Variants in FOXP1 observed in about 807,000 individuals in gnomAD.
FOXP1 encodes the protein forkhead box protein P1.
Under a neutral mutation model 98.2 loss-of-function variants are expected in FOXP1, and 15 were observed. The observed-to-expected ratio is 0.15, with a 90% confidence interval of 0.10 to 0.24. The LOEUF (loss-of-function observed/expected upper bound fraction) is 0.24, where lower values mean the gene tolerates loss of function less well. Among genes scored for constraint, FOXP1 ranks in the 10% least tolerant of loss-of-function variants. FOXP1 has a pLI of 1.00. For missense variants in FOXP1, 633 were observed against 848.5 expected (o/e 0.75, Z 3.15); for synonymous variants, 371 against 314.5 (o/e 1.18, Z -1.90).
At chr3:71,383,820 C>T (rs928704587) in intron 3 of FOXP1, among the ~76,000 whole-genome samples, 2 of 151,974 alleles carry the variant, frequency 1.3e-5, no homozygotes, top group Admixed American at 6.6e-5. Context: ...GTAACAGAAA[C>T]CAGAAGAATG....
At chr3:71,580,273 T>C (rs2048059612) in intron 2 of FOXP1, among the ~76,000 whole-genome samples, 1 of 151,900 alleles carries the variant, frequency 6.6e-6, no homozygotes, top group African/African-American at 2.4e-5. Flanking sequence ...GGCAAGATGT[T>C]AAACCTTTTT....
intron 3 of FOXP1, among the ~76,000 whole-genome samples, chr3:71,437,565 G>A (rs974237994): frequency 2.0e-5 from 3 of 152,154 alleles, no homozygotes; most frequent in Non-Finnish European, 4.4e-5. Flanking sequence ...GGAGCAGAAT[G>A]AGGTCCCATC....
intron 2 of FOXP1, among the ~76,000 whole-genome samples, chr3:71,547,228 C>A (rs1264520995): frequency 6.6e-6 from 1 of 152,060 alleles, no homozygotes; most frequent in African/African-American, 2.4e-5. Flanking sequence ...CCCTTTCCTC[C>A]CCTTCATTTT....
chr3:71,531,206 C>T (rs1031112665), intron 2 of FOXP1, among the ~76,000 whole-genome samples: 2 of 152,182 alleles, frequency 1.3e-5, no homozygotes, highest in African/African-American at 2.4e-5. Flanking sequence ...TAGGAGATAT[C>T]GGTTCAAATC....
intron 2 of FOXP1, among the ~76,000 whole-genome samples, chr3:71,552,758 C>T (rs2063914219): frequency 1.3e-5 from 2 of 151,954 alleles, no homozygotes; most frequent in Admixed American, 6.6e-5. Flanking sequence ...TGCGTAGTTA[C>T]TTAAATGCCA....
intron 6 of FOXP1, among the ~76,000 whole-genome samples, chr3:71,133,632 A>G (rs757021662): frequency 6.6e-6 from 1 of 152,206 alleles, no homozygotes; most frequent in Non-Finnish European, 1.5e-5. Flanking sequence ...TAAGACAGCA[A>G]AAACACAGCT....
At chr3:71,064,564 G>A (rs887562542) in intron 7 of FOXP1, among the ~76,000 whole-genome samples, 1 of 151,904 alleles carries the variant, frequency 6.6e-6, no homozygotes, top group African/African-American at 2.4e-5. Context: ...AGAGCAAGGG[G>A]GGTGGGGGGG....
intron 4 of FOXP1, among the ~76,000 whole-genome samples, chr3:71,315,058 C>A (rs1289208919): frequency 1.0e-5 from 1 of 98,322 alleles, no homozygotes; most frequent in East Asian, 3.7e-4. Flanking sequence ...GTTCAGTGAA[C>A]TAATCCACAC....
intron 19 of FOXP1, among the ~76,000 whole-genome samples, chr3:70,967,687 G>GTTTTTTTTGTTTGTT (rs2035149880): frequency 1.6e-5 from 1 of 61,358 alleles, no homozygotes; most frequent in African/African-American, 5.7e-5. Flanking sequence ...ACTATTATTT[G>GTTTTTTTTGTTTGTT]TTTTTTTTTT....
chr3:71,402,519 C>A (rs1036475928), intron 3 of FOXP1, among the ~76,000 whole-genome samples: 17 of 152,178 alleles, frequency 1.1e-4, no homozygotes, highest in Non-Finnish European at 4.4e-5. Context: ...TGACAAATGA[C>A]AGAATACTTT....
chr3:71,338,813 C>T (rs1010022505), intron 4 of FOXP1, among the ~76,000 whole-genome samples: 1 of 152,062 alleles, frequency 6.6e-6, no homozygotes, highest in Non-Finnish European at 1.5e-5. Context: ...AAAGAAGACA[C>T]TAACAAAGGT....
chr3:71,258,363 G>A (rs1178556238), intron 5 of FOXP1, among the ~76,000 whole-genome samples: 1 of 152,184 alleles, frequency 6.6e-6, no homozygotes, highest in African/African-American at 2.4e-5. Context: ...CAACACTGAA[G>A]GAAGCAGTAA....
At chr3:71,529,920 C>T (rs1344034335) in intron 2 of FOXP1, among the ~76,000 whole-genome samples, 1 of 152,082 alleles carries the variant, frequency 6.6e-6, no homozygotes, top group Non-Finnish European at 1.5e-5. Flanking sequence ...TGACTGAACC[C>T]AAGGAGGGGT....
intron 4 of FOXP1, among the ~76,000 whole-genome samples, chr3:71,355,519 G>A (rs975511035): frequency 6.6e-6 from 1 of 152,166 alleles, no homozygotes; most frequent in African/African-American, 2.4e-5. Flanking sequence ...GGGAGGCATG[G>A]AAGGTATCCC....
chr3:71,085,698 T>G (rs1307576766), intron 7 of FOXP1, among the ~76,000 whole-genome samples: 1 of 149,854 alleles, frequency 6.7e-6, no homozygotes, highest in Non-Finnish European at 1.5e-5. Flanking sequence ...TGTCCAAGTT[T>G]TCATTTGGTT....
intron 3 of FOXP1, among the ~76,000 whole-genome samples, chr3:71,489,199 C>T (rs1348740742): frequency 6.6e-6 from 1 of 152,134 alleles, no homozygotes; most frequent in Non-Finnish European, 1.5e-5. Context: ...AGCCCTTCAC[C>T]AAGTCTTCGG....
chr3:71,137,126 G>C (rs944200915), intron 6 of FOXP1, among the ~76,000 whole-genome samples: 3 of 152,192 alleles, frequency 2.0e-5, no homozygotes, highest in Non-Finnish European at 4.4e-5. Context: ...TGGTGGGAGA[G>C]TATCTCAGAC....
At chr3:71,330,399 T>A (rs980806561) in intron 4 of FOXP1, among the ~76,000 whole-genome samples, 1 of 152,228 alleles carries the variant, frequency 6.6e-6, no homozygotes, top group Non-Finnish European at 1.5e-5. Context: ...TAAAGCGTCA[T>A]GTCAGAAAAA....
intron 2 of FOXP1, chr3:71,542,162 G>A (rs562241489): frequency 2.4e-6 from 1 of 411,402 alleles, no homozygotes; most frequent in African/African-American, 2.1e-5. Flanking sequence ...TTTCCTCTGT[G>A]AAAAAAACAA....
Sources: gnomAD v4.1 joint callset for allele counts (sites outside exome capture counted in the v4.1 genomes callset) on GRCh38, gnomAD v4.1.1 for gene constraint, MANE v1.5 for transcripts, NCBI Gene and HGNC (gene_info 2026-07-23, HGNC 2026-07-21) for gene names.